RHEX: variants seen among roughly 807,000 people sequenced by gnomAD.
RHEX encodes regulator of hemoglobinization and erythroid cell expansion protein.
Under a neutral mutation model 20.1 loss-of-function variants are expected in RHEX, and 18 were observed. That is an observed-to-expected ratio of 0.90 (90% CI 0.62 to 1.33). The LOEUF (loss-of-function observed/expected upper bound fraction) is 1.33. RHEX is among the 40% of genes most tolerant of loss of function. The probability of loss-of-function intolerance (pLI) is 0.00; values close to 1 mark genes in which losing one functional copy is unlikely to be tolerated. For synonymous variants in RHEX, 87 were observed against 77.1 expected (o/e 1.13, Z -0.67); for missense variants, 192 against 214.3 (o/e 0.90, Z 0.65).
At chr1:206,077,449 C>A (rs1662655434) in intron 1 of RHEX, among the ~76,000 whole-genome samples, 1 of 152,080 alleles carries the variant, frequency 6.6e-6, no homozygotes, top group Non-Finnish European at 1.5e-5. Context: ...ATCAAGATGA[C>A]ATTAATACTG....
chr1:206,089,566 A>G (rs1477285749), intron 1 of RHEX, among the ~76,000 whole-genome samples: 12 of 152,188 alleles, frequency 7.9e-5, no homozygotes, highest in Middle Eastern at 3.4e-3. Flanking sequence ...GACGCTGTAC[A>G]GAGCTCTTTT....
chr1:206,094,147 A>T (rs1239389483), intron 1 of RHEX, among the ~76,000 whole-genome samples: 1 of 150,120 alleles, frequency 6.7e-6, no homozygotes, highest in Non-Finnish European at 1.5e-5. Context: ...ATTACCTTAA[A>T]TTGCCCATTT....
At chr1:206,057,973 C>T (rs1558167210) in intron 1 of RHEX, among the ~76,000 whole-genome samples, 1 of 152,278 alleles carries the variant, frequency 6.6e-6, no homozygotes, top group Admixed American at 6.5e-5. Context: ...TGCTATCTAT[C>T]AAAATAGACT....
At chr1:206,076,908 C>T (rs1553285329) in intron 1 of RHEX, among the ~76,000 whole-genome samples, 1 of 152,224 alleles carries the variant, frequency 6.6e-6, no homozygotes, top group African/African-American at 2.4e-5. Context: ...ATCCACGACT[C>T]TGCTTTAAAT....
chr1:206,101,810 A>T lies in RHEX; in HGVS notation c.377A>T (p.Asn126Ile), dbSNP rs782436241. 1 of 1,614,062 alleles carries T rather than the reference A, an allele frequency of 6.2e-7. No individual in the cohort carries two copies. Among genetic ancestry groups the T allele is most frequent in the Non-Finnish European group, 8.5e-7 (1 of 1,180,014 alleles). ...TTTTCTGACCCTGGAGAACTAAAAAATGACTCCCCGCTGGACTATGAGAAC... is the reference window on the plus strand; with the variant it reads ...TTTTCTGACCCTGGAGAACTAAAAATTGACTCCCCGCTGGACTATGAGAAC... ...VVFSDPGELK[N>I]DSPLDYENIK... The change falls in exon 6 of 6, where the codon AAT becomes ATT. Residue 126 changes from asparagine to isoleucine, a missense_variant. Coordinates refer to ENST00000331555, the MANE Select transcript of RHEX (RefSeq NM_001007544.4).
At chr1:206,088,992 T>C (rs1408184815) in intron 1 of RHEX, among the ~76,000 whole-genome samples, 2 of 151,830 alleles carry the variant, frequency 1.3e-5, no homozygotes, top group East Asian at 3.9e-4. Flanking sequence ...GCTAATTTTT[T>C]AACCCATCTC....
intron 1 of RHEX, among the ~76,000 whole-genome samples, chr1:206,070,180 T>A (rs77440483): frequency 6.6e-6 from 1 of 152,060 alleles, no homozygotes; most frequent in African/African-American, 2.4e-5. Context: ...GTCTTGAGCA[T>A]TGAGAGAAAT....
intron 1 of RHEX, among the ~76,000 whole-genome samples, chr1:206,096,781 G>GTTTTTTTTTTTT (rs1212622253): frequency 7.5e-6 from 1 of 132,926 alleles, no homozygotes; most frequent in Non-Finnish European, 1.6e-5. Flanking sequence ...TTTTTTTTTG[G>GTTTTTTTTTTTT]TTTTTTTTTT....
Position 206,067,726 on chromosome 1 carries a change from T to C in RHEX, c.-97+14461T>C, listed in dbSNP as rs1662455880. Among the ~76,000 whole-genome samples the C allele has an allele frequency of 6.6e-6, 1 of 152,166 alleles. No individual in the cohort carries two copies. The highest frequency in any genetic ancestry group is 2.4e-5 in the African/African-American group (1 of 41,446). On this transcript the variant is annotated intron_variant, in intron 1 of 5. Transcript: ENST00000331555. The surrounding 1 kb of genome is among the most constrained non-coding windows in gnomAD (Gnocchi z 4.6). ...GCACATACCCCCTCCAGTACAACCC[T>C]AGAAAACTTCCCTCCAGTCCCTGCC...
chr1:206,084,142 A>G (rs1009555643), intron 1 of RHEX, among the ~76,000 whole-genome samples: 1 of 152,206 alleles, frequency 6.6e-6, no homozygotes, highest in Admixed American at 6.5e-5. Context: ...AACATCCTAT[A>G]GGAATGTTTT....
At chr1:206,056,396 C>G (rs754273992) in intron 1 of RHEX, 1 of 152,364 alleles carries the variant, frequency 6.6e-6, no homozygotes, top group Non-Finnish European at 1.5e-5. Flanking sequence ...TAGACTTGCA[C>G]AGTAAGGACT....
In RHEX at chr1:206,072,829, CTTTTTTTTTT is replaced by C. The variant is rs71152466; in HGVS notation, c.-97+19575_-97+19584del. On this transcript the variant is annotated intron_variant, in intron 1 of 5. Coordinates refer to ENST00000331555, the MANE Select transcript of RHEX (RefSeq NM_001007544.4). ...TACACCCACCACATTCCTCCTGTGT[CTTTTTTTTTT>C]TTTTTTTTTTGAGACAGGGTCTCGC... 6.6e-5 allele frequency among the ~76,000 whole-genome samples: 8 copies of C among 121,648 alleles called. No individual in the cohort carries two copies. The East Asian group carries it at 1.6e-3, about 25-fold the overall frequency. 79.8% of individuals were successfully genotyped at this position (121,648 alleles called of 152,430 possible).
At chr1:206,097,986 G>A in intron 2 of RHEX, 95 bp from the exon 3 acceptor site, 1 of 1,203,876 alleles carries the variant, frequency 8.3e-7, no homozygotes. Context: ...ACGCAGCAAT[G>A]CCAGATGTCT....
At chr1:206,073,374 A>G (rs1190950480) in intron 1 of RHEX, among the ~76,000 whole-genome samples, 1 of 152,214 alleles carries the variant, frequency 6.6e-6, no homozygotes, top group Non-Finnish European at 1.5e-5. Flanking sequence ...CATGATGATG[A>G]TGATAAACAC....
intron 1 of RHEX, among the ~76,000 whole-genome samples, chr1:206,066,642 G>A (rs1028156659): frequency 6.6e-6 from 1 of 152,186 alleles, no homozygotes; most frequent in South Asian, 2.1e-4. Flanking sequence ...ACAACCTACA[G>A]GCAGGGAAGT....
chr1:206,072,792 TC>T (rs1285410785), intron 1 of RHEX, among the ~76,000 whole-genome samples: 4 of 150,756 alleles, frequency 2.7e-5, no homozygotes, highest in Non-Finnish European at 4.4e-5. Context: ...TCCTCATGGC[TC>T]AGCATCTGTA....
At chr1:206,054,840 TA>T in intron 1 of RHEX, among the ~76,000 whole-genome samples, 1 of 152,274 alleles carries the variant, frequency 6.6e-6, no homozygotes, top group Non-Finnish European at 1.5e-5. Flanking sequence ...AAATGGTGTT[TA>T]GCTTTCTTTG....
Position 206,101,234 on chromosome 1 carries a change from G to A in RHEX, c.318+37G>A, listed in dbSNP as rs1030623170. 8 of 1,514,596 alleles carry A rather than the reference G, an allele frequency of 5.3e-6. No individual in the cohort carries two copies. The African/African-American group carries it at 5.5e-5, about 10-fold the overall frequency. 93.8% of individuals were successfully genotyped at this position (1,514,596 alleles called of 1,614,324 possible). ...GCCTAGTGATCTCAGACGAACATAT[G>A]CAGTCTGGGGATCCCTGCTGTAAAA... On this transcript the variant is annotated intron_variant, in intron 5 of 5. Coordinates refer to ENST00000331555, the MANE Select transcript of RHEX (RefSeq NM_001007544.4).
At chr1:206,100,930 T>C (rs962163654) in intron 4 of RHEX, among the ~76,000 whole-genome samples, 2 of 152,184 alleles carry the variant, frequency 1.3e-5, no homozygotes, top group Non-Finnish European at 2.9e-5. Flanking sequence ...TTGGAGACTT[T>C]CTCTCCCCCT....
Sources: allele counts gnomAD v4.1 joint callset (sites outside exome capture counted in the v4.1 genomes callset), GRCh38; gene constraint gnomAD v4.1.1; non-coding constraint Gnocchi (gnomAD v3.1); transcripts MANE v1.5; gene names NCBI Gene and HGNC (gene_info 2026-07-23, HGNC 2026-07-21).